Variants in YY1 observed in about 807,000 individuals in gnomAD.
The protein encoded by YY1 is YY1 transcription factor.
Under a neutral mutation model 35.6 loss-of-function variants are expected in YY1, and 2 were observed. The ratio of observed to expected loss-of-function variants is 0.06; its 90% confidence interval spans 0.02 to 0.18. The LOEUF (loss-of-function observed/expected upper bound fraction) is 0.18, where lower values mean the gene tolerates loss of function less well. YY1 is among the 10% of genes least tolerant of loss of function. YY1 has a pLI of 1.00. For synonymous variants in YY1, 268 were observed against 238.9 expected, an observed-to-expected ratio of 1.12 and a Z score of -1.12; for missense variants, 322 against 573.4, an observed-to-expected ratio of 0.56 and a Z score of 4.48.
rs1392372868 is a variant in YY1, at chr14:100,268,236, GTA to G, written c.842+5772_842+5773del. Among the ~76,000 whole-genome samples, 6 of 152,286 alleles carry G rather than the reference GTA, an allele frequency of 3.9e-5. No homozygotes were observed. In the East Asian group the frequency reaches 9.6e-4, roughly 24 times the overall value. On this transcript the variant is annotated intron_variant, in intron 2 of 4. Transcript: ENST00000262238. ...GACTGGACTTGAAACTGTCCAAAGA[GTA>G]TTTCAGGCTCATGCTGCACTCAGCC...
At chr14:100,268,045 G>C (rs1891180300) in intron 2 of YY1, among the ~76,000 whole-genome samples, 1 of 152,184 alleles carries the variant, frequency 6.6e-6, no homozygotes, top group Non-Finnish European at 1.5e-5. Flanking sequence ...TAAACTCTTG[G>C]GGGCCAGACC....
intron 1 of YY1, among the ~76,000 whole-genome samples, chr14:100,245,297 A>C (rs1401182782): frequency 6.6e-6 from 1 of 152,146 alleles, no homozygotes; most frequent in East Asian, 1.9e-4. Context: ...AACTCTGTGC[A>C]TCTGGAGTTT....
chr14:100,252,433 C>T (rs1166100728), intron 1 of YY1, among the ~76,000 whole-genome samples: 3 of 152,156 alleles, frequency 2.0e-5, no homozygotes, highest in African/African-American at 7.2e-5. Flanking sequence ...ATTGTCCTTC[C>T]ACATATATGA....
rs1891337193 is a variant in YY1 at position 100,277,350 on chromosome 14, T to C, written c.1063-68T>C. On this transcript the variant is annotated intron_variant, in intron 4 of 4. Coordinates refer to ENST00000262238, the MANE Select transcript of YY1 (RefSeq NM_003403.5). The surrounding 1 kb of genome is among the most constrained non-coding windows in gnomAD (Gnocchi z 5.6). ...AATAGGCTGTTCTCTAGCAAAGCAG[T>C]GAGCTCCTGACTCCCAGGGTCTGGT... is the stretch of plus-strand genomic sequence containing the variant. 1.9e-6 allele frequency: 3 copies of C among 1,557,908 alleles called. No homozygotes were observed. In the South Asian group the frequency reaches 3.3e-5, roughly 17 times the overall value.
chr14:100,246,937 C>T (rs1387241870), intron 1 of YY1, among the ~76,000 whole-genome samples: 2 of 152,168 alleles, frequency 1.3e-5, no homozygotes, highest in Non-Finnish European at 1.5e-5. Flanking sequence ...GGTTTAGCTT[C>T]CTAATAAAGC....
chr14:100,271,708 A>G (rs1271784934), intron 2 of YY1, among the ~76,000 whole-genome samples: 1 of 151,866 alleles, frequency 6.6e-6, no homozygotes, highest in Non-Finnish European at 1.5e-5. Flanking sequence ...TCGTTCTGTC[A>G]CCGAAGTTGG....
At chr14:100,247,383 C>CTT (rs78485580) in intron 1 of YY1, among the ~76,000 whole-genome samples, 4 of 135,334 alleles carry the variant, frequency 3.0e-5, no homozygotes, top group East Asian at 4.3e-4. Context: ...TTCTTTTTTT[C>CTT]TTTTTTTTTT....
intron 1 of YY1, among the ~76,000 whole-genome samples, chr14:100,251,761 T>TCCTCC (rs1890928512): frequency 6.6e-6 from 1 of 152,122 alleles, no homozygotes; most frequent in Middle Eastern, 3.2e-3. Context: ...CTTTGTCCCT[T>TCCTCC]CCTCCCCTCC....
chr14:100,247,626 G>A (rs2139571705), intron 1 of YY1, among the ~76,000 whole-genome samples: 1 of 152,258 alleles, frequency 6.6e-6, no homozygotes, highest in East Asian at 1.9e-4. Flanking sequence ...CAGAGTATTA[G>A]GAAGAGCCAA....
chr14:100,242,378 G>GTTTTTTTTTTTT (rs57406488), intron 1 of YY1, among the ~76,000 whole-genome samples: 10 of 109,936 alleles, frequency 9.1e-5, no homozygotes, highest in African/African-American at 1.6e-4. Flanking sequence ...TTTGTTTTTT[G>GTTTTTTTTTTTT]TTTTTTTTTT....
At chr14:100,258,546 A>G (rs992391308) in intron 1 of YY1, among the ~76,000 whole-genome samples, 15 of 152,262 alleles carry the variant, frequency 9.9e-5, no homozygotes, top group South Asian at 4.1e-4. Context: ...TTGTATTTTT[A>G]GTAGAGACGG....
chr14:100,272,971 T>G (rs1319553952), intron 2 of YY1, among the ~76,000 whole-genome samples: 1 of 150,666 alleles, frequency 6.6e-6, no homozygotes, highest in African/African-American at 2.4e-5. Context: ...TTTTGTTTTT[T>G]TTTTTTTGAG....
At chr14:100,246,480 G>C (rs1378208884) in intron 1 of YY1, among the ~76,000 whole-genome samples, 1 of 152,184 alleles carries the variant, frequency 6.6e-6, no homozygotes, top group Non-Finnish European at 1.5e-5. Context: ...ATGTGGGGTG[G>C]TGAGACCCCA....
chr14:100,279,333 A>G lies in YY1; in HGVS notation c.*1733A>G, dbSNP rs1237333655. ...CCAGGGACCCCATCAGGTGAAACAC[A>G]TAGCCCATTGTCTTAGAGCTTCTCC... On this transcript the variant is annotated 3_prime_UTR_variant, in exon 5 of 5. Transcript: ENST00000262238. 6.6e-6 allele frequency: 1 copy of G among 152,234 alleles called. No individual in the cohort carries two copies. The highest frequency in any genetic ancestry group is 1.5e-5 in the Non-Finnish European group (1 of 68,036). The allele number at this position is 152,234 out of a possible 1,614,324, so 9.4% of individuals were successfully genotyped here. A position where few individuals can be genotyped will look rare whatever the true frequency, so the allele number is the denominator to read the frequency against.
In YY1 at chr14:100,276,839, C is replaced by A; in HGVS notation, c.1062+191C>A. 1.4e-6 allele frequency: 1 copy of A among 700,348 alleles called. No homozygotes were observed. The highest frequency in any genetic ancestry group is 2.4e-6 in the Non-Finnish European group (1 of 415,828). 43.4% of individuals were successfully genotyped at this position (700,348 alleles called of 1,614,324 possible). A position where few individuals can be genotyped will look rare whatever the true frequency, so the allele number is the denominator to read the frequency against. ...GGGGCTCTGGACATCCTTGTCTATA[C>A]TCTGTGGTACTGGGTACGCAATGTA... On this transcript the variant is annotated intron_variant, in intron 4 of 4. Coordinates refer to ENST00000262238, the MANE Select transcript of YY1 (RefSeq NM_003403.5). The surrounding 1 kb of genome is among the most constrained non-coding windows in gnomAD (Gnocchi z 4.1).
Position 100,239,767 on chromosome 14 carries a change from G to A in YY1, c.523G>A (p.Gly175Ser). ...GTCGGGAGGCGGCCGCGTCAAGAAG[G>A]GCGGCGGCAAGAAGAGCGGCAAGAA... ...SSSGGGRVKK[G>S]GGKKSGKKSY... Residue 175 changes from glycine (G) to serine (S), a missense_variant, in exon 1 of 5, where the codon GGC becomes AGC. Around this residue, in one of 4 missense-constraint regions of YY1, gnomAD observed 152 missense variants for 167.1 expected, o/e 0.91. Transcript: ENST00000262238. 1 of 1,577,356 alleles carries A rather than the reference G, an allele frequency of 6.3e-7. No homozygotes were observed. The highest frequency in any genetic ancestry group is 8.6e-7 in the Non-Finnish European group (1 of 1,165,142).
At chr14:100,244,172 G>A (rs1370872522) in intron 1 of YY1, among the ~76,000 whole-genome samples, 6 of 151,812 alleles carry the variant, frequency 4.0e-5, no homozygotes, top group African/African-American at 1.5e-4. Context: ...TTTCTTTTGC[G>A]CACATGCCAT....
In YY1 at chr14:100,276,723, A is replaced by AT; in HGVS notation, c.1062+75_1062+76insT. 6.2e-7 allele frequency: 1 copy of AT among 1,606,642 alleles called. No individual in the cohort carries two copies. The highest frequency in any genetic ancestry group is 8.5e-7 in the Non-Finnish European group (1 of 1,176,402). ...TGCAAGTGTAGGTGGTGTGGTGATG[A>AT]GGCAGGAGGCGCCAGCCCAGAGACT... On this transcript the variant is annotated intron_variant, in intron 4 of 4. Transcript: ENST00000262238. This position sits in a 1 kb window ranked among gnomAD's most constrained non-coding sequence, Gnocchi z 4.1.
chr14:100,246,306 C>T (rs1444534582), intron 1 of YY1, among the ~76,000 whole-genome samples: 2 of 152,198 alleles, frequency 1.3e-5, no homozygotes, highest in Admixed American at 1.3e-4. Context: ...CATTCTGTCC[C>T]GTGCCAGTCA....
Sources: allele counts gnomAD v4.1 joint callset (sites outside exome capture counted in the v4.1 genomes callset), GRCh38; gene constraint gnomAD v4.1.1; regional missense constraint gnomAD v4.1.1; non-coding constraint Gnocchi (gnomAD v3.1); transcripts MANE v1.5; gene names NCBI Gene and HGNC (gene_info 2026-07-23, HGNC 2026-07-21).